LRP8: variants seen among roughly 807,000 people sequenced by gnomAD.
LRP8 encodes LDL receptor related protein 8.
Under a neutral mutation model 111.6 loss-of-function variants are expected in LRP8, and 46 were observed. The ratio of observed to expected loss-of-function variants is 0.41; its 90% CI spans 0.33 to 0.53. The LOEUF is 0.53. LRP8 is among the 20% of genes least tolerant of loss of function. The probability of loss-of-function intolerance (pLI) is 0.20; values close to 1 mark genes in which losing one functional copy is unlikely to be tolerated. For missense variants in LRP8, 959 were observed against 1,297.4 expected, an observed-to-expected ratio of 0.74 and a Z score of 4.01; for synonymous variants, 464 against 511.2, an observed-to-expected ratio of 0.91 and a Z score of 1.24.
chr1:53,260,572 C>T lies in LRP8; in HGVS notation c.1948G>A (p.Ala650Thr). 6.2e-7 allele frequency: 1 copy of T among 1,614,218 alleles called. No individual in the cohort carries two copies. The highest frequency in any genetic ancestry group is 8.5e-7 in the Non-Finnish European group (1 of 1,180,036). ...TTGAGCCGATTTGCACTGAAAATGGCCTCGTTCTCCAGGTCTGTCCAGAAC... is the reference window on the plus strand; with the variant it reads ...TTGAGCCGATTTGCACTGAAAATGGTCTCGTTCTCCAGGTCTGTCCAGAAC... ...KVFWTDLENEAIFSANRLNGL... is the reference protein window; with the variant it reads ...KVFWTDLENETIFSANRLNGL... The change falls in exon 13 of 19, where the codon GCC becomes ACC. Residue 650 changes from alanine (A) to threonine (T), a missense_variant. Around this residue, in one of 3 missense-constraint regions of LRP8, gnomAD observed 819 missense variants for 1,097.6 expected, o/e 0.75. Transcript: ENST00000306052.
At chr1:53,302,239 G>C (rs1651050847) in intron 2 of LRP8, among the ~76,000 whole-genome samples, 1 of 152,178 alleles carries the variant, frequency 6.6e-6, no homozygotes, top group African/African-American at 2.4e-5. Flanking sequence ...GATGGAGAAG[G>C]CTGCTTCTGG....
chr1:53,279,166 A>C lies in LRP8; in HGVS notation c.496+1421T>G, dbSNP rs979611766. On this transcript the variant is annotated intron_variant, in intron 4 of 18. Transcript: ENST00000306052. The surrounding 1 kb of genome is among the most constrained non-coding windows in gnomAD (Gnocchi z 4.4). ...CAGTAACTTTAAGATCCATATTCTC[A>C]GGCCTACGTAGGCCGAGAGACCCTA... Among the ~76,000 whole-genome samples the C allele has an allele frequency of 2.6e-5, 4 of 152,044 alleles. No individual in the cohort carries two copies. The highest frequency in any genetic ancestry group is 5.9e-5 in the Non-Finnish European group (4 of 68,006).
rs1376128320 is a variant in LRP8 at position 53,326,984 on chromosome 1, T to C, written c.133A>G (p.Lys45Glu). 3 of 1,612,924 alleles carry C rather than the reference T, an allele frequency of 1.9e-6. No homozygotes were observed. The African/African-American group carries it at 4.0e-5, about 22-fold the overall frequency. ...DPLLGGQGPA[K>E]DCEKDQFQCR... The stretch of plus-strand genomic sequence containing the variant: ...TGGAATTGGTCCTTTTCGCAATCCT[T>C]GGCCGGCCCTGCGAGGGGGAGGGAG... Residue 45 changes from lysine (K) to glutamate (E), a missense_variant, in exon 2 of 19, where the codon AAG becomes GAG. This residue lies in a region of LRP8 where 97 missense variants were observed against 107.5 expected (regional missense o/e 0.90). Transcript: ENST00000306052.
chr1:53,270,046 G>A (rs528332869), intron 8 of LRP8, among the ~76,000 whole-genome samples: 1 of 152,304 alleles, frequency 6.6e-6, no homozygotes, highest in Non-Finnish European at 1.5e-5. Flanking sequence ...TGTCATCTCT[G>A]TGGGCTATAT....
Position 53,277,041 on chromosome 1 carries a change from C to A in LRP8, c.534G>T (p.Ser178=). Reference sequence around the variant, plus strand: ...CGCACACGAACACGGCGGCCAGGCACGAGCGGTTGCCGCACTGGAACTCGT... The same window carrying A: ...CGCACACGAACACGGCGGCCAGGCAAGAGCGGTTGCCGCACTGGAACTCGT... ...APHEFQCGNR[S]CLAAVFVCDG... Residue 178 remains serine, a synonymous_variant, in exon 5 of 19, where the codon TCG becomes TCT. Transcript: ENST00000306052. 1.3e-6 allele frequency: 2 copies of A among 1,523,108 alleles called. No individual in the cohort carries two copies. Among genetic ancestry groups the A allele is most frequent in the East Asian group, 2.5e-5 (1 of 39,496 alleles). The allele number at this position is 1,523,108 out of a possible 1,614,324, so 94.3% of individuals were successfully genotyped here.
intron 2 of LRP8, among the ~76,000 whole-genome samples, chr1:53,308,114 A>T (rs1441380812): frequency 2.0e-5 from 3 of 152,196 alleles, no homozygotes; most frequent in African/African-American, 7.2e-5. Context: ...CTCCTATCAG[A>T]CTGCACTGCA....
chr1:53,276,639 G>T, intron 5 of LRP8, 53 bp downstream of exon 5: 1 of 1,394,426 alleles, frequency 7.2e-7, no homozygotes, highest in Non-Finnish European at 9.5e-7. Context: ...ATCCGGATCG[G>T]ATAGCGGATC....
At chr1:53,255,477 C>A (rs35401495) in intron 15 of LRP8, among the ~76,000 whole-genome samples, 1 of 152,114 alleles carries the variant, frequency 6.6e-6, no homozygotes, top group African/African-American at 2.4e-5. Flanking sequence ...AGTCCCATAC[C>A]CTTTCCATAG....
intron 2 of LRP8, among the ~76,000 whole-genome samples, chr1:53,312,451 A>G (rs1653174970): frequency 6.6e-6 from 1 of 152,128 alleles, no homozygotes; most frequent in African/African-American, 2.4e-5. Flanking sequence ...TGCAACCTCA[A>G]ACTCCTGGGC....
rs1186755722 is a variant in LRP8 at position 53,250,513 on chromosome 1, A to G, written c.2676+177T>C. On this transcript the variant is annotated intron_variant, in intron 17 of 18. Transcript: ENST00000306052. This position sits in a 1 kb window ranked among gnomAD's most constrained non-coding sequence, Gnocchi z 4.6. ...GGGAAGGAGGGAGGAAAGGAAGGAA[A>G]GAAGGAAAGAAAAAAGACAGGGAGG... Among the ~76,000 whole-genome samples, 4 of 150,098 alleles carry G rather than the reference A, an allele frequency of 2.7e-5. No homozygotes were observed.
chr1:53,309,657 C>A (rs1056195294), intron 2 of LRP8, among the ~76,000 whole-genome samples: 1 of 152,096 alleles, frequency 6.6e-6, no homozygotes, highest in African/African-American at 2.4e-5. Flanking sequence ...GAGGCCAGGT[C>A]CCTGTTTTTC....
intron 7 of LRP8, 27 bp from the exon 8 acceptor site, chr1:53,271,180 C>G (rs927990254): frequency 1.2e-6 from 2 of 1,613,986 alleles, no homozygotes; most frequent in Admixed American, 1.7e-5. Context: ...GAGTCAGAAC[C>G]AGCAGGAGGA....
At chr1:53,258,573 T>C in intron 13 of LRP8, 102 bp from the exon 14 acceptor site, 1 of 1,065,428 alleles carries the variant, frequency 9.4e-7, no homozygotes. Context: ...TCAAAAAGCT[T>C]GCCCTATACT....
In LRP8 at chr1:53,308,537, G is replaced by C. The variant is rs541167200; in HGVS notation, c.244+18336C>G. ...CTGCCTCACTTATGAGCAATTTGCT[G>C]TCAGGAGCCATGTGTAAGCAGAGGG... is the stretch of plus-strand genomic sequence containing the variant. On this transcript the variant is annotated intron_variant, in intron 2 of 18. Coordinates refer to ENST00000306052, the MANE Select transcript of LRP8 (RefSeq NM_004631.5). 3.3e-5 allele frequency among the ~76,000 whole-genome samples: 5 copies of C among 152,344 alleles called. No homozygotes were observed. In the South Asian group the frequency reaches 1.0e-3, roughly 32 times the overall value.
At chr1:53,313,824 C>A (rs1653421484) in intron 2 of LRP8, among the ~76,000 whole-genome samples, 1 of 152,122 alleles carries the variant, frequency 6.6e-6, no homozygotes, top group African/African-American at 2.4e-5. Context: ...GAGGGGTGGG[C>A]GTCACTGCAG....
chr1:53,244,890 A>G lies in LRP8; in HGVS notation c.*2128T>C, dbSNP rs566766399. On this transcript the variant is annotated 3_prime_UTR_variant, in exon 19 of 19. Transcript: ENST00000306052. The stretch of plus-strand genomic sequence containing the variant: ...ACTTTCCGTTCTTAAAAGAATAGTA[A>G]TATGTGAGTAAGCTCCATAGGAGTT... 9.8e-5 allele frequency: 15 copies of G among 152,340 alleles called. No homozygotes were observed. In the East Asian group the frequency reaches 2.7e-3, roughly 27 times the overall value. 9.4% of individuals were successfully genotyped at this position (152,340 alleles called of 1,614,324 possible).
chr1:53,289,900 C>G (rs1315784757), intron 2 of LRP8, among the ~76,000 whole-genome samples: 1 of 152,166 alleles, frequency 6.6e-6, no homozygotes, highest in African/African-American at 2.4e-5. Context: ...TCCAAGAGCT[C>G]AAACCCAGCA....
In LRP8 at chr1:53,250,799, G is replaced by T; in HGVS notation, c.2567C>A (p.Thr856Asn). ...TGGGTTGTCAAAATTCATGCTTTTG[G>T]TGTTCTTCCGCTTCCAGTTTCTCCA... ...LIWRNWKRKNTKSMNFDNPVY... is the reference protein window; with the variant it reads ...LIWRNWKRKNNKSMNFDNPVY... The change falls in exon 17 of 19, where the codon ACC becomes AAC. Residue 856 changes from threonine (T) to asparagine (N), a missense_variant. This residue lies in a region of LRP8 where 819 missense variants were observed against 1,097.6 expected (regional missense o/e 0.75). Coordinates refer to ENST00000306052, the MANE Select transcript of LRP8 (RefSeq NM_004631.5). The surrounding 1 kb of genome is among the most constrained non-coding windows in gnomAD (Gnocchi z 4.6). The T allele has an allele frequency of 6.2e-7, 1 of 1,613,984 alleles. No homozygotes were observed. The highest frequency in any genetic ancestry group is 8.5e-7 in the Non-Finnish European group (1 of 1,179,980).
intron 8 of LRP8, 63 bp downstream of exon 8, chr1:53,270,965 T>G: frequency 6.2e-7 from 1 of 1,610,914 alleles, no homozygotes; most frequent in Non-Finnish European, 8.5e-7. Flanking sequence ...TCCTCACAAG[T>G]GGAAGCACGC....
Sources: gnomAD v4.1 joint callset for allele counts (sites outside exome capture counted in the v4.1 genomes callset) on GRCh38, gnomAD v4.1.1 for gene constraint, gnomAD v4.1.1 regional missense constraint, Gnocchi (gnomAD v3.1) non-coding constraint, MANE v1.5 for transcripts, NCBI Gene and HGNC (gene_info 2026-07-23, HGNC 2026-07-21) for gene names.